SLC6A11: variants seen among roughly 807,000 people sequenced by gnomAD.
SLC6A11 encodes sodium- and chloride-dependent GABA transporter 3.
A neutral mutation model predicts 74.8 loss-of-function variants in SLC6A11; 25 were observed. The observed-to-expected ratio is 0.33, with a 90% CI of 0.24 to 0.47. The LOEUF (loss-of-function observed/expected upper bound fraction) is 0.47, where lower values mean the gene tolerates loss of function less well. Ranked by LOEUF, SLC6A11 falls within the 20% of genes least tolerant of loss-of-function variation. The pLI, the probability that SLC6A11 is intolerant of heterozygous loss-of-function variation, is 1.00. For synonymous variants in SLC6A11, 330 were observed against 330.2 expected, an observed-to-expected ratio of 1.00 and a Z score of 0.01; for missense variants, 574 against 837.0, an observed-to-expected ratio of 0.69 and a Z score of 3.88.
chr3:10,928,013 G>T (rs887392938), intron 9 of SLC6A11, among the ~76,000 whole-genome samples: 1 of 152,132 alleles, frequency 6.6e-6, no homozygotes, highest in Non-Finnish European at 1.5e-5. Flanking sequence ...CTTATCGCCT[G>T]GGTGACCTTG....
At chr3:10,863,781 A>G (rs1010617639) in intron 5 of SLC6A11, among the ~76,000 whole-genome samples, 25 of 152,100 alleles carry the variant, frequency 1.6e-4, no homozygotes, top group Admixed American at 1.4e-3. Context: ...GCAGGCAGGG[A>G]AGTGAAGGGT....
chr3:10,904,474 C>T (rs1338690821), intron 6 of SLC6A11, among the ~76,000 whole-genome samples: 2 of 152,236 alleles, frequency 1.3e-5, no homozygotes, highest in Non-Finnish European at 1.5e-5. Context: ...ACTGCCAGAA[C>T]GCCCCCCATT....
intron 13 of SLC6A11, chr3:10,935,459 A>G: frequency 2.3e-6 from 1 of 433,414 alleles, no homozygotes; most frequent in Non-Finnish European, 4.2e-6. Flanking sequence ...TACCTAACTT[A>G]CAGAGGCTGT....
At chr3:10,902,693 C>T (rs1330861399) in intron 6 of SLC6A11, among the ~76,000 whole-genome samples, 2 of 152,250 alleles carry the variant, frequency 1.3e-5, no homozygotes, top group Non-Finnish European at 2.9e-5. Context: ...TTTCATTAAG[C>T]TCCTGCAAGG....
At chr3:10,841,229 A>G (rs553305758) in intron 4 of SLC6A11, among the ~76,000 whole-genome samples, 15 of 152,252 alleles carry the variant, frequency 9.9e-5, no homozygotes, top group Middle Eastern at 3.4e-3. Context: ...TTTTTTGGCC[A>G]GGGTGTTGGC....
intron 5 of SLC6A11, among the ~76,000 whole-genome samples, chr3:10,870,149 G>A (rs1694812192): frequency 6.6e-6 from 1 of 152,124 alleles, no homozygotes. Context: ...GAGAAGGCTG[G>A]ATCCCTTCCC....
rs1481851478 is a variant in SLC6A11 at position 10,837,635 on chromosome 3, C to A, written c.624-6579C>A. Among the ~76,000 whole-genome samples the A allele has an allele frequency of 1.3e-5, 2 of 152,208 alleles. 1 individual carries two copies. The highest frequency in any genetic ancestry group is 3.8e-4 in the East Asian group (2 of 5,196). ...TGGCGTGGTGAGCAGGTGAGAAATG[C>A]AAGCTGTAACGGTCCTTGTTGACAC... On this transcript the variant is annotated intron_variant, in intron 4 of 13. Transcript: ENST00000254488.
intron 6 of SLC6A11, among the ~76,000 whole-genome samples, chr3:10,903,194 G>C (rs921557644): frequency 6.6e-6 from 1 of 152,164 alleles, no homozygotes; most frequent in Admixed American, 6.6e-5. Flanking sequence ...TTAATTGGTC[G>C]GTCAGCTGAT....
chr3:10,923,284 A>G (rs1474384439), intron 8 of SLC6A11, among the ~76,000 whole-genome samples: 4 of 151,890 alleles, frequency 2.6e-5, no homozygotes, highest in African/African-American at 9.7e-5. Context: ...CCTTGGCAAA[A>G]CAGTTGATTT....
At chr3:10,877,422 G>A (rs1427337341) in intron 6 of SLC6A11, among the ~76,000 whole-genome samples, 1 of 152,220 alleles carries the variant, frequency 6.6e-6, no homozygotes, top group African/African-American at 2.4e-5. Context: ...GAGCGGGTAT[G>A]CAGACTGTGT....
intron 5 of SLC6A11, among the ~76,000 whole-genome samples, chr3:10,851,141 C>T (rs141495304): frequency 0.039 from 5,856 of 152,086 alleles, 366 homozygotes; most frequent in Admixed American, 0.18. Context: ...GTTCCTTGCT[C>T]TCCCTACTGC....
At chr3:10,933,926 G>A (rs996807583) in intron 11 of SLC6A11, 140 bp from the exon 12 acceptor site, 28 of 591,282 alleles carry the variant, frequency 4.7e-5, no homozygotes, top group South Asian at 6.9e-5. Flanking sequence ...CATCTCGGTC[G>A]TTGTTTAAGC....
intron 10 of SLC6A11, among the ~76,000 whole-genome samples, chr3:10,930,451 C>T (rs754833945): frequency 6.6e-6 from 1 of 152,188 alleles, no homozygotes; most frequent in Non-Finnish European, 1.5e-5. Flanking sequence ...GGCATCATTA[C>T]CTCGCCCAGT....
intron 6 of SLC6A11, among the ~76,000 whole-genome samples, chr3:10,884,967 G>A (rs760872528): frequency 3.3e-5 from 5 of 152,194 alleles, no homozygotes; most frequent in African/African-American, 4.8e-5. Flanking sequence ...AGCATACTAA[G>A]TTAAGTGCAG....
At chr3:10,873,951 T>C (rs1485349548) in intron 5 of SLC6A11, among the ~76,000 whole-genome samples, 2 of 149,630 alleles carry the variant, frequency 1.3e-5, no homozygotes, top group Admixed American at 6.6e-5. Context: ...TGCTATCCTA[T>C]GCTATGCTAC....
chr3:10,847,420 G>T (rs1405028643), intron 5 of SLC6A11, among the ~76,000 whole-genome samples: 1 of 152,194 alleles, frequency 6.6e-6, no homozygotes, highest in Non-Finnish European at 1.5e-5. Flanking sequence ...AGCCAATTAA[G>T]TATTTTCCTG....
chr3:10,862,531 A>G (rs3774112), intron 5 of SLC6A11, among the ~76,000 whole-genome samples: 8,318 of 152,204 alleles, frequency 0.055, 393 homozygotes, highest in African/African-American at 0.12. Context: ...CTATTTAAGT[A>G]TCTTGTCACC....
intron 5 of SLC6A11, among the ~76,000 whole-genome samples, chr3:10,847,181 G>A (rs965493090): frequency 3.3e-5 from 5 of 152,252 alleles, no homozygotes; most frequent in Middle Eastern, 3.4e-3. Context: ...AGGACCCTCC[G>A]GTGGGAAGCA....
At position 10,935,339 on chromosome 3, in the gene SLC6A11, A is replaced by T; in HGVS notation, c.1746+140A>T. 7.0e-6 allele frequency: 5 copies of T among 715,056 alleles called. No homozygotes were observed. The South Asian group carries it at 8.8e-5, about 13-fold the overall frequency. The allele number at this position is 715,056 out of a possible 1,614,324, so 44.3% of individuals were successfully genotyped here. On this transcript the variant is annotated intron_variant, in intron 13 of 13. Coordinates refer to ENST00000254488, the MANE Select transcript of SLC6A11 (RefSeq NM_014229.3). ...GCTGTGGCAAACTCCTCTCTGGCCA[A>T]TGTTCAGTATCATGGTTGTGCCCAA...
Sources: gnomAD v4.1 joint callset for allele counts (sites outside exome capture counted in the v4.1 genomes callset) on GRCh38, gnomAD v4.1.1 for gene constraint, MANE v1.5 for transcripts, NCBI Gene and HGNC (gene_info 2026-07-23, HGNC 2026-07-21) for gene names.